ATF1: variants seen among roughly 807,000 people sequenced by gnomAD.
ATF1 encodes cyclic AMP-dependent transcription factor ATF-1.
A neutral mutation model predicts 34.7 loss-of-function variants in ATF1; 16 were observed. The ratio of observed to expected loss-of-function variants is 0.46; its 90% CI spans 0.31 to 0.70. The LOEUF is 0.70. Among genes scored for constraint, ATF1 ranks in the 30% least tolerant of loss-of-function variants. The pLI, the probability that ATF1 is intolerant of heterozygous loss-of-function variation, is 0.05. For synonymous variants in ATF1, 105 were observed against 113.1 expected, an observed-to-expected ratio of 0.93 and a Z score of 0.46; for missense variants, 255 against 321.6, an observed-to-expected ratio of 0.79 and a Z score of 1.58.
chr12:50,793,871 T>TACTA (rs1196280011), intron 2 of ATF1, among the ~76,000 whole-genome samples: 1 of 152,134 alleles, frequency 6.6e-6, no homozygotes, highest in Non-Finnish European at 1.5e-5. Context: ...GGGGAAGGCT[T>TACTA]TCTATAGATA....
At chr12:50,801,814 C>T (rs1006871148) in intron 3 of ATF1, among the ~76,000 whole-genome samples, 1 of 152,122 alleles carries the variant, frequency 6.6e-6, no homozygotes, top group Non-Finnish European at 1.5e-5. Flanking sequence ...AGGCTGCTTC[C>T]TCAACCTAAT....
chr12:50,808,254 T>G (rs2139686789), intron 3 of ATF1, among the ~76,000 whole-genome samples: 1 of 152,360 alleles, frequency 6.6e-6, no homozygotes, highest in Middle Eastern at 3.4e-3. Context: ...ATTTTATTCA[T>G]CATTGATACG....
At chr12:50,818,685 C>T (rs1186037754) in intron 6 of ATF1, among the ~76,000 whole-genome samples, 4 of 152,198 alleles carry the variant, frequency 2.6e-5, no homozygotes, top group Non-Finnish European at 4.4e-5. Context: ...TCTTGGCTCA[C>T]TGCAACCTCC....
chr12:50,778,251 G>T, intron 1 of ATF1, among the ~76,000 whole-genome samples: 1 of 96,426 alleles, frequency 1.0e-5, no homozygotes, highest in African/African-American at 4.0e-5. Flanking sequence ...TTTTGAGACA[G>T]AGTCTCACTC....
At chr12:50,815,170 C>T (rs1046722530) in intron 6 of ATF1, among the ~76,000 whole-genome samples, 6 of 151,926 alleles carry the variant, frequency 3.9e-5, no homozygotes, top group African/African-American at 1.5e-4. Context: ...GCAGCCCCTA[C>T]AGGAGGTATT....
intron 2 of ATF1, among the ~76,000 whole-genome samples, chr12:50,783,668 G>A (rs1941120472): frequency 6.6e-6 from 1 of 152,012 alleles, no homozygotes; most frequent in African/African-American, 2.4e-5. Context: ...AGGAGTTCAA[G>A]ACCAGCCTGG....
chr12:50,818,777 T>C (rs1941892907), intron 6 of ATF1, among the ~76,000 whole-genome samples: 1 of 152,166 alleles, frequency 6.6e-6, no homozygotes, highest in Non-Finnish European at 1.5e-5. Flanking sequence ...AGCTAATTTT[T>C]GTATTTTTAG....
chr12:50,778,324 C>T (rs1430359855), intron 1 of ATF1, among the ~76,000 whole-genome samples: 1 of 139,806 alleles, frequency 7.2e-6, no homozygotes, highest in Non-Finnish European at 1.5e-5. Context: ...CTCCCGGGTT[C>T]AAATGATTCT....
chr12:50,779,087 G>A (rs561181232), intron 1 of ATF1, among the ~76,000 whole-genome samples: 1 of 152,220 alleles, frequency 6.6e-6, no homozygotes, highest in African/African-American at 2.4e-5. Flanking sequence ...TGTAGCATGT[G>A]ACAGGAGTTT....
At chr12:50,770,426 G>T (rs756371863) in intron 1 of ATF1, among the ~76,000 whole-genome samples, 15 of 151,914 alleles carry the variant, frequency 9.9e-5, no homozygotes, top group African/African-American at 3.6e-4. Context: ...CTGTCCAGGA[G>T]CCCCAAGTTA....
intron 2 of ATF1, among the ~76,000 whole-genome samples, chr12:50,793,389 G>A (rs1941343916): frequency 6.6e-6 from 1 of 152,144 alleles, no homozygotes; most frequent in African/African-American, 2.4e-5. Flanking sequence ...ACTTTGGGAT[G>A]CTGAGGTGGG....
Position 50,814,322 on chromosome 12 carries a change from C to T in ATF1, c.554C>T (p.Pro185Leu). The change falls in exon 6 of 7, where the codon CCT (proline) becomes CTT (leucine). Residue 185 changes from proline (P) to leucine (L), a missense_variant. By Grantham distance (98) the Pro-to-Leu change is moderately conservative. Transcript: ENST00000262053. ...CAAACATATCAGATCCGAACTACACCTTCAGCTACTTCTCTGCCACAAACT... is the reference window on the plus strand; with the variant it reads ...CAAACATATCAGATCCGAACTACACTTTCAGCTACTTCTCTGCCACAAACT... Reference protein sequence around the residue: ...DMQTYQIRTTPSATSLPQTVV... With the variant: ...DMQTYQIRTTLSATSLPQTVV... The T allele has an allele frequency of 1.2e-6, 2 of 1,614,196 alleles. No individual in the cohort carries two copies. The highest frequency in any genetic ancestry group is 1.6e-4 in the Middle Eastern group (1 of 6,062).
In ATF1 at chr12:50,776,493, TAAAAA is replaced by T. The variant is rs771176201; in HGVS notation, c.-6-3632_-6-3628del. Among the ~76,000 whole-genome samples, 3 of 116,870 alleles carry T rather than the reference TAAAAA, an allele frequency of 2.6e-5. No homozygotes were observed. In the Admixed American group the frequency reaches 2.7e-4, roughly 10 times the overall value. The allele number at this position is 116,870 out of a possible 152,430, so 76.7% of individuals were successfully genotyped here. A position where few individuals can be genotyped will look rare whatever the true frequency, so the allele number is the denominator to read the frequency against. ...GGGTCACAGAGCAACACCCTGTCTT[TAAAAA>T]AAAAAAAAAAAAAAGAAGGAAAACA... On this transcript the variant is annotated intron_variant, in intron 1 of 6. Transcript: ENST00000262053.
rs1323222380 is a variant in ATF1 at position 50,814,293 on chromosome 12, T to C, written c.525T>C (p.Asp175=). The C allele has an allele frequency of 6.2e-7, 1 of 1,614,080 alleles. No individual in the cohort carries two copies. Residue 175 remains aspartate, a synonymous_variant, in exon 6 of 7, where the codon GAT becomes GAC. Transcript: ENST00000262053. ...NQVVVQTASG[D]MQTYQIRTTP... The stretch of plus-strand genomic sequence containing the variant: ...TTTACCATCTAGCTGCATCAGGAGA[T>C]ATGCAAACATATCAGATCCGAACTA...
At chr12:50,788,091 A>G (rs999834063) in intron 2 of ATF1, 2 of 390,908 alleles carry the variant, frequency 5.1e-6, no homozygotes, top group African/African-American at 4.2e-5. Flanking sequence ...AGTAACTCAA[A>G]TATTGGAAAT....
intron 3 of ATF1, among the ~76,000 whole-genome samples, chr12:50,801,497 A>G (rs1019081722): frequency 5.9e-5 from 9 of 152,258 alleles, no homozygotes; most frequent in Admixed American, 4.6e-4. Flanking sequence ...AAGATGGCCT[A>G]CACTCACCAA....
chr12:50,804,810 C>A (rs79538442), intron 3 of ATF1, among the ~76,000 whole-genome samples: 1 of 142,834 alleles, frequency 7.0e-6, no homozygotes, highest in Non-Finnish European at 1.5e-5. Context: ...CCAACAAGAT[C>A]TTTTTTTTTT....
chr12:50,817,634 C>T (rs1941870291), intron 6 of ATF1, among the ~76,000 whole-genome samples: 1 of 152,090 alleles, frequency 6.6e-6, no homozygotes, highest in Admixed American at 6.6e-5. Flanking sequence ...CTTGCCCCAA[C>T]ATTTCTACTT....
intron 3 of ATF1, among the ~76,000 whole-genome samples, chr12:50,805,145 G>T (rs1257360519): frequency 6.6e-6 from 1 of 151,950 alleles, no homozygotes; most frequent in Non-Finnish European, 1.5e-5. Flanking sequence ...GCTGTAGAAT[G>T]AAGAAAATCT....
Sources: allele counts gnomAD v4.1 joint callset (sites outside exome capture counted in the v4.1 genomes callset), GRCh38; gene constraint gnomAD v4.1.1; transcripts MANE v1.5; gene names NCBI Gene and HGNC (gene_info 2026-07-23, HGNC 2026-07-21).